The following KCNK9 variants were observed in gnomAD, a reference collection of about 807,000 sequenced individuals.
The protein encoded by KCNK9 is potassium channel subfamily K member 9.
Under a neutral mutation model 10.8 loss-of-function variants are expected in KCNK9, and 1 was observed. The observed-to-expected ratio is 0.09, with a 90% confidence interval of 0.03 to 0.44. The LOEUF (loss-of-function observed/expected upper bound fraction) is 0.44, where lower values mean the gene tolerates loss of function less well. KCNK9 is among the 20% of genes least tolerant of loss of function. The pLI, the probability that KCNK9 is intolerant of heterozygous loss-of-function variation, is 0.97. For missense variants in KCNK9, 303 were observed against 515.0 expected, an observed-to-expected ratio of 0.59 and a Z score of 3.98; for synonymous variants, 231 against 222.7, an observed-to-expected ratio of 1.04 and a Z score of -0.33.
At chr8:139,636,741 A>G (rs776801873) in intron 1 of KCNK9, among the ~76,000 whole-genome samples, 5 of 152,244 alleles carry the variant, frequency 3.3e-5, no homozygotes, top group Admixed American at 1.3e-4. Flanking sequence ...TTTACGTAAG[A>G]AAAATGACTA....
intron 1 of KCNK9, among the ~76,000 whole-genome samples, chr8:139,643,681 C>T (rs1157882980): frequency 6.6e-6 from 1 of 152,198 alleles, no homozygotes; most frequent in Non-Finnish European, 1.5e-5. Context: ...AGTCTAACCA[C>T]GCTGCTGGCA....
At chr8:139,660,449 AATATATAT>A (rs35118138) in intron 1 of KCNK9, among the ~76,000 whole-genome samples, 1 of 131,188 alleles carries the variant, frequency 7.6e-6, no homozygotes, top group Non-Finnish European at 1.6e-5. Flanking sequence ...GCTAAAAAAA[AATATATAT>A]ATATATATAT....
chr8:139,658,686 C>T (rs2542479), intron 1 of KCNK9, among the ~76,000 whole-genome samples: 6,374 of 152,280 alleles, frequency 0.042, 275 homozygotes, highest in African/African-American at 0.11. Context: ...TCCTCAGGGA[C>T]TAGCTCTGTG....
intron 1 of KCNK9, among the ~76,000 whole-genome samples, chr8:139,667,289 C>A (rs1409199617): frequency 6.6e-6 from 1 of 152,242 alleles, no homozygotes; most frequent in African/African-American, 2.4e-5. Flanking sequence ...AAGGCCTCTT[C>A]CATCAAGATG....
At chr8:139,615,432 G>A (rs1025553638), downstream of KCNK9, among the ~76,000 whole-genome samples, 3 of 152,046 alleles carry the variant, frequency 2.0e-5, no homozygotes, top group Middle Eastern at 3.2e-3. Flanking sequence ...CCTTAACTTG[G>A]CCCCTGCCCT....
intron 2 of KCNK9, among the ~76,000 whole-genome samples, chr8:139,604,319 G>A (rs1176690778): frequency 1.3e-5 from 2 of 152,188 alleles, no homozygotes; most frequent in African/African-American, 2.4e-5. Flanking sequence ...CGTGTCAAGT[G>A]TTTAGTAGTG....
At position 139,618,695 on chromosome 8, in the gene KCNK9, C is replaced by A. The variant is rs560007842; in HGVS notation, c.688G>T (p.Val230Leu). The change falls in exon 2 of 2, where the codon GTG (valine) becomes TTG (leucine). Residue 230 changes from valine to leucine, a missense_variant. Val to Leu is a conservative substitution (Grantham distance 32). Around this residue, in one of 5 missense-constraint regions of KCNK9, gnomAD observed 53 missense variants for 134.9 expected, o/e 0.39. Transcript: ENST00000520439. The surrounding 1 kb of genome is among the most constrained non-coding windows in gnomAD (Gnocchi z 7.9). ...YVAFSFMYIL[V>L]GLTVIGAFLN... The stretch of plus-strand genomic sequence containing the variant: ...AAGGCCCCGATGACCGTCAGCCCCA[C>A]CAGGATATACATAAAGCTAAAGGCC... 6.2e-7 allele frequency: 1 copy of A among 1,614,204 alleles called. No homozygotes were observed. The highest frequency in any genetic ancestry group is 2.2e-5 in the East Asian group (1 of 44,880).
At chr8:139,637,792 G>C (rs1815385191) in intron 1 of KCNK9, among the ~76,000 whole-genome samples, 1 of 71,786 alleles carries the variant, frequency 1.4e-5, no homozygotes, top group Non-Finnish European at 3.2e-5. Flanking sequence ...CACAATAATA[G>C]TAAGGGGAGT....
At chr8:139,659,450 C>G (rs984396172) in intron 1 of KCNK9, among the ~76,000 whole-genome samples, 3 of 150,106 alleles carry the variant, frequency 2.0e-5, no homozygotes, top group African/African-American at 7.5e-5. Flanking sequence ...GTGTTAGACC[C>G]CTGGCCTCTC....
At chr8:139,687,500 A>AGATATATGTATACACATATATT (rs1440259139) in intron 1 of KCNK9, among the ~76,000 whole-genome samples, 1 of 64,464 alleles carries the variant, frequency 1.6e-5, no homozygotes, top group African/African-American at 5.8e-5. Flanking sequence ...ACACATATAT[A>AGATATATGTATACACATATATT]CATATATATG....
At chr8:139,606,325 A>G (rs1026208167) in intron 2 of KCNK9, among the ~76,000 whole-genome samples, 2 of 152,120 alleles carry the variant, frequency 1.3e-5, no homozygotes, top group African/African-American at 4.8e-5. Flanking sequence ...AACCAAACCC[A>G]GGTCCCCTTA....
rs544085997 is a variant in KCNK9, at chr8:139,629,931, A to G, written c.284-10832T>C. Reference sequence around the variant, plus strand: ...TCAATGTGTGAATTTCGGGGGGCACAGTTCAGTCCATAACCCTGAGTGACA... The same window carrying G: ...TCAATGTGTGAATTTCGGGGGGCACGGTTCAGTCCATAACCCTGAGTGACA... On this transcript the variant is annotated intron_variant, in intron 1 of 1. Transcript: ENST00000520439. Among the ~76,000 whole-genome samples, 34 of 152,234 alleles carry G rather than the reference A, an allele frequency of 2.2e-4. No individual in the cohort carries two copies. In the East Asian group the frequency reaches 5.8e-3, roughly 26 times the overall value.
chr8:139,700,506 ACACGCGCGCGCGCG>A (rs1441738602), intron 1 of KCNK9, among the ~76,000 whole-genome samples: 395 of 130,694 alleles, frequency 3.0e-3, no homozygotes, highest in African/African-American at 0.011. Context: ...ACACACACAC[ACACGCGCGCGCGCG>A]CACACACACA....
intron 1 of KCNK9, among the ~76,000 whole-genome samples, chr8:139,619,614 C>T (rs1814716304): frequency 6.6e-6 from 1 of 152,158 alleles, no homozygotes; most frequent in African/African-American, 2.4e-5. Flanking sequence ...GCTGAATCCT[C>T]TTACATACAT....
rs1010575265 is a variant in KCNK9, at chr8:139,703,067, G to C, written c.-75C>G. 1.6e-6 allele frequency: 2 copies of C among 1,283,114 alleles called. No individual in the cohort carries two copies. The highest frequency in any genetic ancestry group is 2.0e-6 in the Non-Finnish European group (2 of 1,014,386). 79.5% of individuals were successfully genotyped at this position (1,283,114 alleles called of 1,614,324 possible). On this transcript the variant is annotated 5_prime_UTR_variant, in exon 1 of 2. Transcript: ENST00000520439. This position sits in a 1 kb window ranked among gnomAD's most constrained non-coding sequence, Gnocchi z 6.4. ...CCGCGCGCGTCCCACTGCAGCGCCC[G>C]GCGGCCGCCGCCGCCTCCTCCTCCG...
At chr8:139,621,838 G>T (rs952911179) in intron 1 of KCNK9, among the ~76,000 whole-genome samples, 1 of 152,178 alleles carries the variant, frequency 6.6e-6, no homozygotes, top group Non-Finnish European at 1.5e-5. Context: ...AAAAAAGCCA[G>T]CTGGAATGCT....
intron 1 of KCNK9, among the ~76,000 whole-genome samples, chr8:139,664,123 G>C (rs1337514033): frequency 1.3e-5 from 2 of 152,194 alleles, no homozygotes; most frequent in South Asian, 4.1e-4. Flanking sequence ...TTTGAACCCA[G>C]ACAGGACAGA....
intron 1 of KCNK9, among the ~76,000 whole-genome samples, chr8:139,655,869 G>A (rs77015167): frequency 1.3e-5 from 2 of 152,176 alleles, no homozygotes; most frequent in African/African-American, 4.8e-5. Context: ...CTACAGCGAG[G>A]GGGAGACAGA....
At chr8:139,628,784 T>C (rs1002112962) in intron 1 of KCNK9, among the ~76,000 whole-genome samples, 3 of 152,248 alleles carry the variant, frequency 2.0e-5, no homozygotes, top group Non-Finnish European at 4.4e-5. Flanking sequence ...ACATATGAAC[T>C]TGCAAAGCAC....
Sources: gnomAD v4.1 joint callset for allele counts (sites outside exome capture counted in the v4.1 genomes callset) on GRCh38, gnomAD v4.1.1 for gene constraint, gnomAD v4.1.1 regional missense constraint, Gnocchi (gnomAD v3.1) non-coding constraint, MANE v1.5 for transcripts, NCBI Gene and HGNC (gene_info 2026-07-23, HGNC 2026-07-21) for gene names.